MAPRE3: variants seen among roughly 807,000 people sequenced by gnomAD.
MAPRE3 encodes the protein microtubule associated protein RP/EB family member 3, also known as microtubule-associated protein RP/EB family member 3.
A neutral mutation model predicts 30.5 loss-of-function variants in MAPRE3; 2 were observed. The observed-to-expected ratio is 0.07, with a 90% CI of 0.03 to 0.21. MAPRE3 has a LOEUF of 0.21. Among genes scored for constraint, MAPRE3 ranks in the 10% least tolerant of loss-of-function variants. The probability of loss-of-function intolerance (pLI) is 1.00; values close to 1 mark genes in which losing one functional copy is unlikely to be tolerated. For synonymous variants in MAPRE3, 110 were observed against 127.7 expected (o/e 0.86, Z 0.93); for missense variants, 204 against 351.8 (o/e 0.58, Z 3.36).
At chr2:26,988,555 G>A (rs1278085976) in intron 1 of MAPRE3, among the ~76,000 whole-genome samples, 2 of 152,210 alleles carry the variant, frequency 1.3e-5, no homozygotes, top group Non-Finnish European at 2.9e-5. Context: ...AAACTGCAAT[G>A]TAAAACTCAT....
intron 4 of MAPRE3, among the ~76,000 whole-genome samples, chr2:27,025,313 GCT>G (rs1667212760): frequency 6.6e-6 from 1 of 152,160 alleles, no homozygotes; most frequent in South Asian, 2.1e-4. Context: ...CCTCAGGCCA[GCT>G]CTCTCCCTGC....
intron 1 of MAPRE3, among the ~76,000 whole-genome samples, chr2:27,005,967 G>C (rs1369379491): frequency 6.6e-6 from 1 of 152,194 alleles, no homozygotes; most frequent in Non-Finnish European, 1.5e-5. Context: ...CGGATCACGA[G>C]GTCAGGAGAT....
intron 2 of MAPRE3, among the ~76,000 whole-genome samples, chr2:27,023,111 G>A (rs796618942): frequency 3.9e-5 from 6 of 152,364 alleles, no homozygotes; most frequent in African/African-American, 1.4e-4. Context: ...CCTACATGCA[G>A]TGTTTGGTGT....
At chr2:26,995,232 C>T (rs1346200180) in intron 1 of MAPRE3, among the ~76,000 whole-genome samples, 1 of 152,196 alleles carries the variant, frequency 6.6e-6, no homozygotes, top group African/African-American at 2.4e-5. Context: ...GAGGCTCTAG[C>T]TCATAATTTG....
intron 1 of MAPRE3, among the ~76,000 whole-genome samples, chr2:26,987,193 T>C (rs373040513): frequency 1.1e-3 from 173 of 152,296 alleles, no homozygotes; most frequent in African/African-American, 4.1e-3. Context: ...AATTTCCTCC[T>C]TGAAGAGGAT....
chr2:26,993,855 A>T lies in MAPRE3; in HGVS notation c.-8+23053A>T, dbSNP rs370847776. ...GACCATTGATTGTGTCCAAAAGTTC[A>T]TGCCTGGCAGGAAAGCAAGAACTCA... On this transcript the variant is annotated intron_variant, in intron 1 of 6. Coordinates refer to ENST00000233121, the MANE Select transcript of MAPRE3 (RefSeq NM_012326.4). Among the ~76,000 whole-genome samples the T allele has an allele frequency of 6.2e-4, 95 of 152,300 alleles. 1 individual carries two copies. Among genetic ancestry groups the T allele is most frequent in the African/African-American group, 2.1e-3 (89 of 41,556 alleles).
At chr2:26,996,914 AG>A (rs1210852336) in intron 1 of MAPRE3, 1 of 152,194 alleles carries the variant, frequency 6.6e-6, no homozygotes, top group East Asian at 1.9e-4. Flanking sequence ...CTCACTTTCC[AG>A]GGGATCTTCA....
At chr2:26,974,940 C>G (rs149252542) in intron 1 of MAPRE3, among the ~76,000 whole-genome samples, 1 of 152,028 alleles carries the variant, frequency 6.6e-6, no homozygotes, top group African/African-American at 2.4e-5. Context: ...TTTTGTAGCC[C>G]CCATCTCTCA....
intron 1 of MAPRE3, chr2:26,996,854 T>A (rs368298910): frequency 1.3e-5 from 2 of 151,886 alleles, no homozygotes. Context: ...ACCCTTCACC[T>A]GAGGAACAGA....
rs373757280 is a variant in MAPRE3 at position 27,024,224 on chromosome 2, C to A, written c.396C>A (p.Gly132=). The A allele has an allele frequency of 6.4e-5, 104 of 1,614,092 alleles. No homozygotes were observed. The highest frequency in any genetic ancestry group is 8.6e-5 in the Non-Finnish European group (102 of 1,180,028). ...ACAACCCTCTGCTGGCGCGGCAGGG[C>A]CAGGACGTAGCGCCACCTCCTAACC... is the stretch of plus-strand genomic sequence containing the variant. ...KDYNPLLARQ[G]QDVAPPPNPG... is the part of the protein sequence containing the mutation. Residue 132 remains glycine, a synonymous_variant, in exon 4 of 7, where the codon GGC becomes GGA. Transcript: ENST00000233121.
At chr2:27,025,543 G>A in intron 4 of MAPRE3, 40 bp from the exon 5 acceptor site, 1 of 1,527,594 alleles carries the variant, frequency 6.5e-7, no homozygotes, top group Non-Finnish European at 8.8e-7. Flanking sequence ...CGTGCGCTGT[G>A]GGCTCACGTG....
At chr2:27,002,887 T>G (rs1216392553) in intron 1 of MAPRE3, 2 of 152,262 alleles carry the variant, frequency 1.3e-5, no homozygotes, top group East Asian at 3.8e-4. Flanking sequence ...CTGGCCTCTT[T>G]CGATACAGTG....
At chr2:27,008,575 G>T (rs1666778632) in intron 1 of MAPRE3, among the ~76,000 whole-genome samples, 1 of 152,226 alleles carries the variant, frequency 6.6e-6, no homozygotes, top group South Asian at 2.1e-4. Flanking sequence ...ATAATTCTAG[G>T]AACAGTCAGT....
At position 26,985,218 on chromosome 2, in the gene MAPRE3, T is replaced by C. The variant is rs917000786; in HGVS notation, c.-8+14416T>C. On this transcript the variant is annotated intron_variant, in intron 1 of 6. Coordinates refer to ENST00000233121, the MANE Select transcript of MAPRE3 (RefSeq NM_012326.4). This position sits in a 1 kb window ranked among gnomAD's most constrained non-coding sequence, Gnocchi z 4.2. ...AGAGAGATTGTTAAGACATGTGCTGTTGAAACTCTTCTTCCCTTTTGGGGA... is the reference window on the plus strand; with the variant it reads ...AGAGAGATTGTTAAGACATGTGCTGCTGAAACTCTTCTTCCCTTTTGGGGA... Among the ~76,000 whole-genome samples, 16 of 152,228 alleles carry C rather than the reference T, an allele frequency of 1.1e-4. No individual in the cohort carries two copies. The highest frequency in any genetic ancestry group is 3.9e-4 in the African/African-American group (16 of 41,460).
At chr2:27,002,477 C>T (rs1666621087) in intron 1 of MAPRE3, among the ~76,000 whole-genome samples, 2 of 151,240 alleles carry the variant, frequency 1.3e-5, no homozygotes, top group African/African-American at 4.9e-5. Flanking sequence ...TATATTCTCA[C>T]CAATCATGTT....
At chr2:27,008,736 G>T (rs1185859407) in intron 1 of MAPRE3, among the ~76,000 whole-genome samples, 2 of 152,136 alleles carry the variant, frequency 1.3e-5, no homozygotes, top group Non-Finnish European at 2.9e-5. Context: ...CAAAGCAAGA[G>T]AAGACTGAGG....
At chr2:27,012,949 C>A (rs192114700) in intron 1 of MAPRE3, 217 of 152,750 alleles carry the variant, frequency 1.4e-3, no homozygotes, top group Non-Finnish European at 2.6e-3. Context: ...TCACAGGATG[C>A]AGACATTTCA....
chr2:26,994,684 A>G (rs1666414658), intron 1 of MAPRE3, among the ~76,000 whole-genome samples: 1 of 152,208 alleles, frequency 6.6e-6, no homozygotes, highest in Non-Finnish European at 1.5e-5. Context: ...TGTGACATCT[A>G]GGAAGACATT....
In MAPRE3 at chr2:27,025,961, A is replaced by G. The variant is rs1160613040; in HGVS notation, c.706A>G (p.Ile236Val). 1 of 1,614,194 alleles carries G rather than the reference A, an allele frequency of 6.2e-7. No individual in the cohort carries two copies. Residue 236 changes from isoleucine to valine, a missense_variant, in exon 6 of 7, where the codon ATC (isoleucine) becomes GTC (valine). This residue lies in a region of MAPRE3 where 42 missense variants were observed against 81.2 expected (regional missense o/e 0.52). Coordinates refer to ENST00000233121, the MANE Select transcript of MAPRE3 (RefSeq NM_012326.4). Reference protein sequence around the residue: ...YFSKLRDIELICQEHESENSP... With the variant: ...YFSKLRDIELVCQEHESENSP... Reference sequence around the variant, plus strand: ...CAGCAAACTTCGTGACATCGAGCTCATCTGCCAGGAGCATGAAAGTGAAAA... The same window carrying G: ...CAGCAAACTTCGTGACATCGAGCTCGTCTGCCAGGAGCATGAAAGTGAAAA...
Sources: allele counts gnomAD v4.1 joint callset (sites outside exome capture counted in the v4.1 genomes callset), GRCh38; gene constraint gnomAD v4.1.1; regional missense constraint gnomAD v4.1.1; non-coding constraint Gnocchi (gnomAD v3.1); transcripts MANE v1.5; gene names NCBI Gene and HGNC (gene_info 2026-07-23, HGNC 2026-07-21).